Variants in NAV2 observed in about 807,000 individuals in gnomAD.
NAV2 encodes the protein helicase, APC down-regulated 1.
NAV2 carries 54 observed loss-of-function variants against 223.2 expected under a neutral mutation model. The observed-to-expected ratio is 0.24, with a 90% CI of 0.19 to 0.30. NAV2 has a LOEUF of 0.30. NAV2 is among the 10% of genes least tolerant of loss of function. NAV2 has a pLI of 1.00. For missense variants in NAV2, 2,806 were observed against 3,147.5 expected (o/e 0.89, Z 2.60); for synonymous variants, 1,279 against 1,239.3 (o/e 1.03, Z -0.67).
Position 20,098,945 on chromosome 11 carries a change from G to A in NAV2, c.6181+1200G>A, listed in dbSNP as rs115990813. 3.7e-3 allele frequency among the ~76,000 whole-genome samples: 570 copies of A among 152,318 alleles called. 4 individuals carry two copies. The highest frequency in any genetic ancestry group is 0.013 in the African/African-American group (540 of 41,552). ...GCTCTTTGTACCTGGTTGATGAAAT[G>A]GCCCCTGGTAGCCCAATTCCTTCTT... On this transcript the variant is annotated intron_variant, in intron 31 of 37. Coordinates refer to ENST00000349880, the MANE Select transcript of NAV2 (RefSeq NM_145117.5).
At position 20,044,132 on chromosome 11, in the gene NAV2, A is replaced by G; in HGVS notation, c.3059A>G (p.Asp1020Gly). The change falls in exon 13 of 38, where the codon GAC becomes GGC. Residue 1020 changes from aspartate to glycine, a missense_variant. Transcript: ENST00000349880. ...CCTTCTGATGTGTCTGACGAGTCCG[A>G]CAAAAGCACGTCGGGCAAGAAGAAT... is the stretch of plus-strand genomic sequence containing the variant. ...RNPSDVSDESDKSTSGKKNPV... is the reference protein window; with the variant it reads ...RNPSDVSDESGKSTSGKKNPV... 1 of 1,614,220 alleles carries G rather than the reference A, an allele frequency of 6.2e-7. No homozygotes were observed. The highest frequency in any genetic ancestry group is 8.5e-7 in the Non-Finnish European group (1 of 1,180,028).
At chr11:19,386,154 C>T (rs1849035548) in intron 1 of NAV2, among the ~76,000 whole-genome samples, 1 of 152,176 alleles carries the variant, frequency 6.6e-6, no homozygotes, top group Admixed American at 6.5e-5. Flanking sequence ...GCTTTGTTTA[C>T]TTGCCCCAAA....
intron 1 of NAV2, among the ~76,000 whole-genome samples, chr11:19,691,267 A>AG (rs57892404): frequency 0.65 from 98,064 of 151,436 alleles, 36,487 homozygotes; most frequent in Non-Finnish European, 0.82. Context: ...GAAAAAAAAA[A>AG]CAGATGACAT....
At chr11:19,700,179 T>C (rs1433726891) in intron 1 of NAV2, among the ~76,000 whole-genome samples, 1 of 152,202 alleles carries the variant, frequency 6.6e-6, no homozygotes, top group African/African-American at 2.4e-5. Flanking sequence ...ACTGGTTTAG[T>C]GTTTTACCTA....
chr11:19,824,348 C>T (rs1175328178), intron 1 of NAV2, among the ~76,000 whole-genome samples: 1 of 152,150 alleles, frequency 6.6e-6, no homozygotes, highest in Non-Finnish European at 1.5e-5. Context: ...TGCAGAAAGC[C>T]CACAAATGTC....
chr11:19,997,862 C>T (rs1041919017), intron 11 of NAV2, among the ~76,000 whole-genome samples: 2 of 152,128 alleles, frequency 1.3e-5, no homozygotes, highest in African/African-American at 4.8e-5. Context: ...GACTCATGGT[C>T]CATGGCTGGC....
At chr11:19,418,911 G>T (rs1316517283) in intron 1 of NAV2, among the ~76,000 whole-genome samples, 1 of 152,148 alleles carries the variant, frequency 6.6e-6, no homozygotes, top group African/African-American at 2.4e-5. Context: ...GCAGTAAGGA[G>T]TGATAGCAGG....
chr11:19,915,193 C>T (rs979258311), intron 6 of NAV2, among the ~76,000 whole-genome samples: 13 of 152,320 alleles, frequency 8.5e-5, no homozygotes, highest in African/African-American at 3.1e-4. Context: ...ACTGTGCTTT[C>T]AAGGAACTCA....
intron 10 of NAV2, among the ~76,000 whole-genome samples, chr11:19,975,766 G>T (rs1231416751): frequency 6.6e-6 from 1 of 152,218 alleles, no homozygotes; most frequent in Admixed American, 6.5e-5. Context: ...TCATTGTAGA[G>T]TGTGTTGAAG....
intron 6 of NAV2, among the ~76,000 whole-genome samples, chr11:19,919,607 T>A (rs893965932): frequency 1.3e-5 from 2 of 152,190 alleles, no homozygotes; most frequent in Non-Finnish European, 2.9e-5. Context: ...CCTTTCTCCA[T>A]AGAGTTGGGT....
At chr11:19,552,103 G>A (rs998687417) in intron 1 of NAV2, among the ~76,000 whole-genome samples, 1 of 152,206 alleles carries the variant, frequency 6.6e-6, no homozygotes, top group Non-Finnish European at 1.5e-5. Context: ...GGTGGCCTGG[G>A]CCCCTGGAGA....
Position 19,630,839 on chromosome 11 carries a change from G to T in NAV2, c.76-201645G>T, listed in dbSNP as rs1195372504. On this transcript the variant is annotated intron_variant, in intron 1 of 37. Transcript: ENST00000360655. The stretch of plus-strand genomic sequence containing the variant: ...TGCAGTGAGCCGAGATTTCACCACT[G>T]CACTCCAGCCTAGGTAACAGAGTGA... Among the ~76,000 whole-genome samples, 12 of 146,178 alleles carry T rather than the reference G, an allele frequency of 8.2e-5. No individual in the cohort carries two copies. In the East Asian group the frequency reaches 2.2e-3, roughly 27 times the overall value.
At chr11:19,945,317 CTCCTT>C (rs1194777897) in intron 8 of NAV2, among the ~76,000 whole-genome samples, 1 of 146,760 alleles carries the variant, frequency 6.8e-6, no homozygotes, top group Non-Finnish European at 1.5e-5. Flanking sequence ...TCTTTCTTTC[CTCCTT>C]TCCTTCTTTC....
intron 1 of NAV2, among the ~76,000 whole-genome samples, chr11:19,429,218 C>T (rs1291995831): frequency 1.3e-5 from 2 of 152,198 alleles, no homozygotes; most frequent in Admixed American, 1.3e-4. Context: ...ATCATAGTTC[C>T]TGGAGCAGGG....
intron 1 of NAV2, among the ~76,000 whole-genome samples, chr11:19,479,065 G>A (rs928884684): frequency 6.6e-6 from 1 of 152,180 alleles, no homozygotes; most frequent in Admixed American, 6.5e-5. Flanking sequence ...GGGTGGGGTT[G>A]AGTCTGGAGG....
intron 1 of NAV2, among the ~76,000 whole-genome samples, chr11:19,545,931 G>A (rs772212830): frequency 6.6e-6 from 1 of 152,144 alleles, no homozygotes; most frequent in Non-Finnish European, 1.5e-5. Flanking sequence ...GTATTGTATT[G>A]TAGTTTGTAT....
At chr11:20,081,716 T>C (rs1365958255) in intron 25 of NAV2, among the ~76,000 whole-genome samples, 1 of 152,204 alleles carries the variant, frequency 6.6e-6, no homozygotes, top group South Asian at 2.1e-4. Flanking sequence ...AACCTGTTGA[T>C]GGGAGAAAAA....
At chr11:19,430,547 C>T (rs576237072) in intron 1 of NAV2, among the ~76,000 whole-genome samples, 31 of 152,358 alleles carry the variant, frequency 2.0e-4, no homozygotes, top group African/African-American at 5.3e-4. Context: ...CTGGCTATCA[C>T]GGCAGCTTCA....
chr11:19,550,828 A>G (rs774754023), intron 1 of NAV2, among the ~76,000 whole-genome samples: 5 of 152,204 alleles, frequency 3.3e-5, no homozygotes, highest in Non-Finnish European at 7.3e-5. Context: ...CCAGTGTGCC[A>G]TGTCAGTTTA....
Sources: gnomAD v4.1 joint callset for allele counts (sites outside exome capture counted in the v4.1 genomes callset) on GRCh38, gnomAD v4.1.1 for gene constraint, MANE v1.5 for transcripts, NCBI Gene and HGNC (gene_info 2026-07-23, HGNC 2026-07-21) for gene names.